Variants in SAMD5 observed in about 807,000 individuals in gnomAD.
The protein encoded by SAMD5 is sterile alpha motif domain-containing protein 5.
Under a neutral mutation model 11.3 loss-of-function variants are expected in SAMD5, and 13 were observed. The observed-to-expected ratio is 1.15, with a 90% confidence interval of 0.75 to 1.83. The LOEUF (loss-of-function observed/expected upper bound fraction) is 1.83, where lower values mean the gene tolerates loss of function less well. Among genes scored for constraint, SAMD5 ranks in the 40% most tolerant of loss-of-function variants. SAMD5 has a pLI of 0.00. For missense variants in SAMD5, 255 were observed against 239.1 expected, an observed-to-expected ratio of 1.07 and a Z score of -0.44; for synonymous variants, 129 against 111.3, an observed-to-expected ratio of 1.16 and a Z score of -1.00.
At chr6:147,681,333 G>C (rs890503277) in intron 1 of SAMD5, among the ~76,000 whole-genome samples, 25 of 152,020 alleles carry the variant, frequency 1.6e-4, no homozygotes, top group African/African-American at 5.6e-4. Flanking sequence ...GTTGCATCCA[G>C]TATGTTTTTT....
rs1209593473 is a variant in SAMD5 at position 147,531,029 on chromosome 6, A to G, written c.459+21642A>G. On this transcript the variant is annotated intron_variant, in intron 1 of 1. Coordinates refer to ENST00000367474, the MANE Select transcript of SAMD5 (RefSeq NM_001030060.3). The stretch of plus-strand genomic sequence containing the variant: ...AAATAGTGTTCTGTTTATAAAACAT[A>G]AACCTTTTTCTCTTTACTGTAAATC... Among the ~76,000 whole-genome samples the G allele has an allele frequency of 7.2e-5, 11 of 152,354 alleles. No homozygotes were observed. The East Asian group carries it at 2.1e-3, about 29-fold the overall frequency.
chr6:147,825,200 G>A, the SAMD5 span, among the ~76,000 whole-genome samples: 3 of 152,152 alleles, frequency 2.0e-5, no homozygotes, highest in Non-Finnish European at 4.4e-5. Flanking sequence ...GGGAGGCTGA[G>A]GTAGGAGAAT....
chr6:147,744,659 A>T, the SAMD5 span, among the ~76,000 whole-genome samples: 2 of 152,168 alleles, frequency 1.3e-5, no homozygotes, highest in Non-Finnish European at 2.9e-5. Context: ...GCACTTTGGG[A>T]GGCCAAGGCG....
chr6:147,809,359 A>C, the SAMD5 span, among the ~76,000 whole-genome samples: 1 of 152,138 alleles, frequency 6.6e-6, no homozygotes, highest in African/African-American at 2.4e-5. Context: ...CCTCCTCCCC[A>C]GCTTAAATGA....
At chr6:147,897,297 T>C in the SAMD5 span, among the ~76,000 whole-genome samples, 1 of 152,210 alleles carries the variant, frequency 6.6e-6, no homozygotes, top group East Asian at 1.9e-4. Flanking sequence ...GTACTGTGCG[T>C]GTGTTGAAAT....
chr6:147,632,378 T>C (rs1790164079), intron 1 of SAMD5, among the ~76,000 whole-genome samples: 1 of 152,194 alleles, frequency 6.6e-6, no homozygotes, highest in East Asian at 1.9e-4. Flanking sequence ...TATTGACGCA[T>C]AGTCCTTTTG....
chr6:147,534,547 C>T (rs1788479460), intron 1 of SAMD5, among the ~76,000 whole-genome samples: 1 of 152,158 alleles, frequency 6.6e-6, no homozygotes, highest in Admixed American at 6.5e-5. Flanking sequence ...TCTCCCCGAG[C>T]ATTCAGGGAG....
At chr6:147,909,886 G>C in the SAMD5 span, among the ~76,000 whole-genome samples, 1 of 151,954 alleles carries the variant, frequency 6.6e-6, no homozygotes, top group Admixed American at 6.6e-5. Context: ...TGACAAGGCC[G>C]GTTCATGTTA....
At chr6:147,564,280 G>A in intron 1 of SAMD5, 114 bp from the exon 2 acceptor site, 1 of 676,810 alleles carries the variant, frequency 1.5e-6, no homozygotes, top group Non-Finnish European at 2.7e-6. Flanking sequence ...AAGTCCATGT[G>A]GTAAGCAGAA....
the SAMD5 span, among the ~76,000 whole-genome samples, chr6:147,827,644 C>T: frequency 6.6e-6 from 1 of 152,194 alleles, no homozygotes; most frequent in Non-Finnish European, 1.5e-5. Context: ...GTTCTTGTCT[C>T]TGGAACAGCT....
At chr6:147,573,520 G>T (rs1225390030), downstream of SAMD5, among the ~76,000 whole-genome samples, 1 of 152,166 alleles carries the variant, frequency 6.6e-6, no homozygotes, top group East Asian at 1.9e-4. Context: ...GAATTATAGG[G>T]ATTACAATTT....
chr6:147,672,945 G>A (rs62436327), intron 1 of SAMD5, among the ~76,000 whole-genome samples: 7,434 of 152,064 alleles, frequency 0.049, 242 homozygotes, highest in African/African-American at 0.092. Flanking sequence ...AAACAGTATA[G>A]CATGACTTAC....
chr6:147,515,862 C>CA (rs558293739), intron 1 of SAMD5, among the ~76,000 whole-genome samples: 66 of 152,012 alleles, frequency 4.3e-4, no homozygotes, highest in Non-Finnish European at 6.6e-4. Flanking sequence ...GATTAAAACC[C>CA]AAGTAAAGAT....
At chr6:147,660,207 A>T (rs1174831142) in intron 1 of SAMD5, among the ~76,000 whole-genome samples, 1 of 152,208 alleles carries the variant, frequency 6.6e-6, no homozygotes, top group African/African-American at 2.4e-5. Flanking sequence ...AACTGTATAT[A>T]TGTGAATGTC....
At chr6:147,692,503 C>T (rs1289212193) in intron 1 of SAMD5, 1 of 152,172 alleles carries the variant, frequency 6.6e-6, no homozygotes. Flanking sequence ...TCTAGATAAA[C>T]ACCAAGAAGG....
chr6:147,677,330 G>T (rs1373329113), intron 1 of SAMD5, among the ~76,000 whole-genome samples: 1 of 152,154 alleles, frequency 6.6e-6, no homozygotes, highest in Admixed American at 6.5e-5. Context: ...AGGTGGAGGA[G>T]GGGGAGAAAG....
At chr6:147,758,455 A>T in the SAMD5 span, among the ~76,000 whole-genome samples, 1 of 152,248 alleles carries the variant, frequency 6.6e-6, no homozygotes, top group Non-Finnish European at 1.5e-5. Flanking sequence ...GAGGCATGCC[A>T]GGGAGAGCCA....
chr6:147,606,553 C>G (rs1041361724), intron 1 of SAMD5, among the ~76,000 whole-genome samples: 3 of 130,758 alleles, frequency 2.3e-5, no homozygotes, highest in African/African-American at 8.2e-5. Context: ...TTATTATTAT[C>G]TAAAAAATGA....
chr6:147,643,253 CT>C (rs1009468415), intron 1 of SAMD5, among the ~76,000 whole-genome samples: 54 of 151,864 alleles, frequency 3.6e-4, no homozygotes, highest in African/African-American at 1.0e-3. Flanking sequence ...CTCAAATATG[CT>C]TTTTTTTATG....
Sources: gnomAD v4.1 joint callset for allele counts (sites outside exome capture counted in the v4.1 genomes callset) on GRCh38, gnomAD v4.1.1 for gene constraint, MANE v1.5 for transcripts, NCBI Gene and HGNC (gene_info 2026-07-23, HGNC 2026-07-21) for gene names.